RPS6KC1: variants seen among roughly 807,000 people sequenced by gnomAD.
RPS6KC1 encodes ribosomal protein S6 kinase C1.
In RPS6KC1, 54 loss-of-function variants were observed where a neutral mutation model predicts 103.8. That is an observed-to-expected ratio of 0.52 (90% confidence interval 0.42 to 0.65). RPS6KC1 has a LOEUF of 0.65. Ranked by LOEUF, RPS6KC1 falls within the 30% of genes least tolerant of loss-of-function variation. The pLI is 0.00. For missense variants in RPS6KC1, 1,151 were observed against 1,253.8 expected (o/e 0.92, Z 1.24); for synonymous variants, 439 against 438.7 (o/e 1.00, Z -0.01).
Position 213,272,715 on chromosome 1 carries a change from G to A in RPS6KC1, c.*81G>A. 1.0e-6 allele frequency: 1 copy of A among 980,700 alleles called. No individual in the cohort carries two copies. Among genetic ancestry groups the A allele is most frequent in the Non-Finnish European group, 1.6e-6 (1 of 617,688 alleles). 60.7% of individuals were successfully genotyped at this position (980,700 alleles called of 1,614,324 possible). A position where few individuals can be genotyped will look rare whatever the true frequency, so the allele number is the denominator to read the frequency against. ...AGCACTGAGGCACCTCTGACTCACA[G>A]TTACTTATGGAGCACCAAAGCATTT... On this transcript the variant is annotated 3_prime_UTR_variant, in exon 15 of 15. Transcript: ENST00000366960.
the RPS6KC1 span, among the ~76,000 whole-genome samples, chr1:213,524,187 T>C: frequency 6.6e-6 from 1 of 152,000 alleles, no homozygotes; most frequent in Non-Finnish European, 1.5e-5. Context: ...TCCACCATGA[T>C]CTGGAACTCA....
intron 4 of RPS6KC1, among the ~76,000 whole-genome samples, chr1:213,112,755 C>T (rs2083162704): frequency 6.6e-6 from 1 of 151,920 alleles, no homozygotes; most frequent in Non-Finnish European, 1.5e-5. Flanking sequence ...TGATGTTCCC[C>T]TTCCTGTGTC....
At chr1:213,853,568 T>G in the RPS6KC1 span, among the ~76,000 whole-genome samples, 2 of 152,102 alleles carry the variant, frequency 1.3e-5, no homozygotes, top group African/African-American at 4.8e-5. Flanking sequence ...CTTACATGGG[T>G]TTGATTTTGG....
At chr1:213,729,905 C>T in the RPS6KC1 span, among the ~76,000 whole-genome samples, 1,265 of 152,098 alleles carry the variant, frequency 8.3e-3, 11 homozygotes, top group Non-Finnish European at 0.012. Context: ...GTTATTTTTC[C>T]GGATCTTCTC....
At chr1:213,462,834 G>A in the RPS6KC1 span, among the ~76,000 whole-genome samples, 4 of 152,140 alleles carry the variant, frequency 2.6e-5, no homozygotes, top group Non-Finnish European at 5.9e-5. Context: ...AAACCACCAC[G>A]GCACGTGTAT....
intron 8 of RPS6KC1, among the ~76,000 whole-genome samples, chr1:213,215,189 T>A (rs1446299725): frequency 2.0e-5 from 3 of 152,188 alleles, no homozygotes; most frequent in Non-Finnish European, 2.9e-5. Context: ...TTAAAGGACC[T>A]GATGGAGCTG....
the RPS6KC1 span, among the ~76,000 whole-genome samples, chr1:213,457,138 A>T: frequency 6.6e-6 from 1 of 152,306 alleles, no homozygotes; most frequent in African/African-American, 2.4e-5. Context: ...TGGAGGGAAG[A>T]GTTAAATGAC....
chr1:213,401,969 G>T, the RPS6KC1 span, among the ~76,000 whole-genome samples: 2 of 151,792 alleles, frequency 1.3e-5, no homozygotes, highest in Non-Finnish European at 2.9e-5. Flanking sequence ...AAATTATTTT[G>T]TAAAGATGAG....
the RPS6KC1 span, among the ~76,000 whole-genome samples, chr1:213,427,556 AT>A: frequency 2.0e-5 from 3 of 152,070 alleles, no homozygotes; most frequent in African/African-American, 7.2e-5. Flanking sequence ...TATAAATCAT[AT>A]TTTTTTGCTC....
At chr1:213,311,900 T>C in the RPS6KC1 span, among the ~76,000 whole-genome samples, 23 of 150,322 alleles carry the variant, frequency 1.5e-4, no homozygotes, top group Non-Finnish European at 3.0e-4. Context: ...GATCTTTTTT[T>C]TTTTTTTTTT....
chr1:213,435,722 CTTG>C, the RPS6KC1 span, among the ~76,000 whole-genome samples: 10 of 152,166 alleles, frequency 6.6e-5, no homozygotes, highest in African/African-American at 9.7e-5. Flanking sequence ...CTAATCCTTT[CTTG>C]TTGTTCTTTC....
At chr1:213,254,867 T>C (rs2094607351) in intron 12 of RPS6KC1, among the ~76,000 whole-genome samples, 1 of 152,144 alleles carries the variant, frequency 6.6e-6, no homozygotes, top group African/African-American at 2.4e-5. Flanking sequence ...AAGGATACTG[T>C]TTTACCAAGC....
the RPS6KC1 span, among the ~76,000 whole-genome samples, chr1:213,358,322 GTCTAT>G: frequency 4.6e-5 from 7 of 152,168 alleles, no homozygotes; most frequent in African/African-American, 1.7e-4. Flanking sequence ...CCTGTTTTTG[GTCTAT>G]TCAGAGATTC....
chr1:213,683,661 T>G, the RPS6KC1 span, among the ~76,000 whole-genome samples: 1 of 152,194 alleles, frequency 6.6e-6, no homozygotes, highest in Non-Finnish European at 1.5e-5. Context: ...ATGAGAGCCC[T>G]AACTGTCCGA....
the RPS6KC1 span, among the ~76,000 whole-genome samples, chr1:213,358,242 C>A: frequency 0.014 from 2,183 of 152,186 alleles, 22 homozygotes; most frequent in Non-Finnish European, 0.024. Flanking sequence ...TGGTAGAATT[C>A]GGCTGTGAAT....
At chr1:213,433,900 GT>G in the RPS6KC1 span, among the ~76,000 whole-genome samples, 1 of 152,148 alleles carries the variant, frequency 6.6e-6, no homozygotes, top group African/African-American at 2.4e-5. Flanking sequence ...TCTGTGGCTT[GT>G]TTTTTCCTTC....
chr1:213,385,016 A>C, the RPS6KC1 span, among the ~76,000 whole-genome samples: 1 of 152,330 alleles, frequency 6.6e-6, no homozygotes, highest in South Asian at 2.1e-4. Context: ...ACATTGCCAG[A>C]CTGGGGTTTG....
chr1:213,183,116 A>C (rs768256125), intron 8 of RPS6KC1, among the ~76,000 whole-genome samples: 18 of 152,098 alleles, frequency 1.2e-4, no homozygotes, highest in Non-Finnish European at 2.1e-4. Context: ...CAATCTACCA[A>C]GAAGAAATAG....
the RPS6KC1 span, among the ~76,000 whole-genome samples, chr1:213,857,712 C>A: frequency 6.6e-6 from 1 of 152,196 alleles, no homozygotes; most frequent in African/African-American, 2.4e-5. Context: ...AGATGTCCCA[C>A]TGTACTCCCT....
Sources: allele counts gnomAD v4.1 joint callset (sites outside exome capture counted in the v4.1 genomes callset), GRCh38; gene constraint gnomAD v4.1.1; transcripts MANE v1.5; gene names NCBI Gene and HGNC (gene_info 2026-07-23, HGNC 2026-07-21).